SHANK2: variants seen among roughly 807,000 people sequenced by gnomAD.
SHANK2 encodes SH3 and multiple ankyrin repeat domains protein 2.
In SHANK2, 43 loss-of-function variants were observed where a neutral mutation model predicts 133.7. The ratio of observed to expected loss-of-function variants is 0.32; its 90% confidence interval spans 0.25 to 0.41. The LOEUF is 0.41. Among genes scored for constraint, SHANK2 ranks in the 10% least tolerant of loss-of-function variants. SHANK2 has a pLI of 1.00. For synonymous variants in SHANK2, 1,017 were observed against 952.8 expected, an observed-to-expected ratio of 1.07 and a Z score of -1.24; for missense variants, 1,994 against 2,235.8, an observed-to-expected ratio of 0.89 and a Z score of 2.18.
chr11:70,943,197 G>A (rs1015279724), intron 10 of SHANK2: 1 of 419,704 alleles, frequency 2.4e-6, no homozygotes. Context: ...TCACCGACAT[G>A]TTCAAAGGGG....
intron 15 of SHANK2, among the ~76,000 whole-genome samples, chr11:70,688,720 C>T (rs1341577557): frequency 3.9e-5 from 6 of 152,114 alleles, no homozygotes; most frequent in African/African-American, 1.2e-4. Context: ...GGAGGGAACA[C>T]GGGCTTGTCT....
chr11:70,703,654 A>G (rs1465832792), intron 14 of SHANK2, among the ~76,000 whole-genome samples: 1 of 152,126 alleles, frequency 6.6e-6, no homozygotes, highest in African/African-American at 2.4e-5. Context: ...CGAGGGGAGG[A>G]GCAGGAGGTC....
At chr11:70,823,235 C>T (rs61516670) in intron 11 of SHANK2, among the ~76,000 whole-genome samples, 49 of 43,268 alleles carry the variant, frequency 1.1e-3, no homozygotes, top group Non-Finnish European at 1.4e-3. Flanking sequence ...GCAGAGTTCA[C>T]GGGGGACAGA....
intron 3 of SHANK2, among the ~76,000 whole-genome samples, chr11:71,128,172 C>A (rs1801098000): frequency 1.3e-5 from 2 of 152,210 alleles, no homozygotes; most frequent in African/African-American, 2.4e-5. Context: ...CTTCACCTTG[C>A]ATTTCCTGTC....
chr11:70,670,384 G>C (rs1164392602), intron 15 of SHANK2, among the ~76,000 whole-genome samples: 1 of 152,350 alleles, frequency 6.6e-6, no homozygotes, highest in East Asian at 1.9e-4. Context: ...GCAGTTACGT[G>C]GGGGGTGTTG....
At chr11:70,708,941 T>C (rs1234880578) in intron 14 of SHANK2, among the ~76,000 whole-genome samples, 2 of 152,224 alleles carry the variant, frequency 1.3e-5, no homozygotes, top group African/African-American at 4.8e-5. Context: ...CAGGGCGTGG[T>C]GGCTCACACC....
At chr11:70,623,463 G>A (rs553837405) in intron 17 of SHANK2, among the ~76,000 whole-genome samples, 189 of 152,326 alleles carry the variant, frequency 1.2e-3, no homozygotes, top group African/African-American at 4.4e-3. Flanking sequence ...GCAGCCAGAT[G>A]CACCCCGAAG....
In SHANK2 at chr11:70,660,838, C is replaced by T. The variant is rs558832874; in HGVS notation, c.1936+758G>A. 2.3e-3 allele frequency among the ~76,000 whole-genome samples: 353 copies of T among 152,324 alleles called. 2 individuals carry two copies. The highest frequency in any genetic ancestry group is 3.6e-3 in the Non-Finnish European group (242 of 68,018). On this transcript the variant is annotated intron_variant, in intron 16 of 25. Transcript: ENST00000601538. ...GAGGAGGCCTCCTGCAGCACAGGTGCGGGACCCCTGGCACAGCGCGTAAGC... is the reference window on the plus strand; with the variant it reads ...GAGGAGGCCTCCTGCAGCACAGGTGTGGGACCCCTGGCACAGCGCGTAAGC...
At chr11:70,675,421 A>T (rs1176320539) in intron 15 of SHANK2, among the ~76,000 whole-genome samples, 7 of 152,204 alleles carry the variant, frequency 4.6e-5, no homozygotes, top group African/African-American at 1.4e-4. Flanking sequence ...AGAGAGGTTG[A>T]GTGATTTGCA....
At chr11:70,646,901 C>A (rs184925074) in intron 17 of SHANK2, among the ~76,000 whole-genome samples, 13 of 151,598 alleles carry the variant, frequency 8.6e-5, no homozygotes, top group African/African-American at 3.1e-4. Flanking sequence ...TGCTCTGTTG[C>A]CCAGGCTGGA....
intron 2 of SHANK2, among the ~76,000 whole-genome samples, chr11:71,185,880 A>C (rs1297614709): frequency 6.6e-6 from 1 of 152,148 alleles, no homozygotes; most frequent in Non-Finnish European, 1.5e-5. Context: ...TGGGTGGGGA[A>C]AGAACAGCAA....
At chr11:70,493,693 G>C (rs1362692208) in intron 21 of SHANK2, among the ~76,000 whole-genome samples, 1 of 152,148 alleles carries the variant, frequency 6.6e-6, no homozygotes, top group African/African-American at 2.4e-5. Context: ...TTGGGACAAA[G>C]CCAGTGTGGT....
intron 9 of SHANK2, among the ~76,000 whole-genome samples, chr11:71,062,450 G>T (rs1365679361): frequency 6.6e-6 from 1 of 152,150 alleles, no homozygotes; most frequent in Non-Finnish European, 1.5e-5. Context: ...AAGAGAGGAG[G>T]GACCTCATGG....
intron 17 of SHANK2, among the ~76,000 whole-genome samples, chr11:70,555,922 G>A (rs1466403697): frequency 6.6e-6 from 1 of 152,234 alleles, no homozygotes; most frequent in Non-Finnish European, 1.5e-5. Context: ...GGCTGAGAGA[G>A]GTGAGTAAGC....
rs1555158197 is a variant in SHANK2 at position 70,500,577 on chromosome 11, C to G, written c.2301G>C (p.Lys767Asn). The G allele has an allele frequency of 6.2e-7, 1 of 1,603,976 alleles. No homozygotes were observed. The highest frequency in any genetic ancestry group is 8.5e-7 in the Non-Finnish European group (1 of 1,175,464). ...EELVDKASVR[K>N]KKDKPEEIVP... ...ACACTGGGCCTCCCTTACCCTTCTT[C>G]TTCCGGACCGAGGCTTGCAAACAGA... Residue 767 changes from lysine (K) to asparagine (N), a missense_variant, in exon 21 of 26, where the codon AAG (lysine) becomes AAC (asparagine). Coordinates refer to ENST00000601538, the MANE Select transcript of SHANK2 (RefSeq NM_012309.5). The surrounding 1 kb of genome is among the most constrained non-coding windows in gnomAD (Gnocchi z 4.5).
chr11:70,874,889 G>A (rs1186135400), intron 11 of SHANK2, among the ~76,000 whole-genome samples: 1 of 152,090 alleles, frequency 6.6e-6, no homozygotes, highest in African/African-American at 2.4e-5. Context: ...TGGAGACCAG[G>A]CCATTCCGGA....
intron 2 of SHANK2, among the ~76,000 whole-genome samples, chr11:71,203,002 G>C (rs1398021450): frequency 6.6e-6 from 1 of 152,242 alleles, no homozygotes; most frequent in Non-Finnish European, 1.5e-5. Flanking sequence ...AAAATAAGAA[G>C]TAAATTGAGA....
intron 15 of SHANK2, chr11:70,668,939 G>C (rs1161220449): frequency 6.6e-6 from 1 of 152,350 alleles, no homozygotes; most frequent in Non-Finnish European, 1.5e-5. Context: ...CACAAGTGCA[G>C]GTGTCAGCAG....
chr11:70,701,782 C>T (rs984983981), intron 14 of SHANK2, among the ~76,000 whole-genome samples: 26 of 152,178 alleles, frequency 1.7e-4, no homozygotes, highest in African/African-American at 6.0e-4. Context: ...TCCCTGTCTC[C>T]TGGTTCCCAG....
Sources: gnomAD v4.1 joint callset for allele counts (sites outside exome capture counted in the v4.1 genomes callset) on GRCh38, gnomAD v4.1.1 for gene constraint, Gnocchi (gnomAD v3.1) non-coding constraint, MANE v1.5 for transcripts, NCBI Gene and HGNC (gene_info 2026-07-23, HGNC 2026-07-21) for gene names.